HMCN1: variants seen among roughly 807,000 people sequenced by gnomAD.
HMCN1 encodes the protein hemicentin-1.
In HMCN1, 321 loss-of-function variants were observed where a neutral mutation model predicts 625.9. The ratio of observed to expected loss-of-function variants is 0.51; its 90% confidence interval spans 0.47 to 0.56. HMCN1 has a LOEUF of 0.56. HMCN1 is among the 20% of genes least tolerant of loss of function. HMCN1 has a pLI of 0.00. For synonymous variants in HMCN1, 2,425 were observed against 2,417.6 expected (o/e 1.00, Z -0.09); for missense variants, 6,588 against 6,887.3 (o/e 0.96, Z 1.54).
intron 4 of HMCN1, among the ~76,000 whole-genome samples, chr1:185,908,756 T>C (rs561174459): frequency 6.6e-6 from 1 of 151,218 alleles, no homozygotes; most frequent in South Asian, 2.1e-4. Context: ...ACTTATTCAC[T>C]TTATTATAAA....
intron 55 of HMCN1, among the ~76,000 whole-genome samples, chr1:186,078,813 A>G (rs983157801): frequency 1.3e-5 from 2 of 152,228 alleles, no homozygotes; most frequent in African/African-American, 4.8e-5. Flanking sequence ...CATGTGTCCA[A>G]CCTTGAACCA....
chr1:186,120,269 A>C, intron 80 of HMCN1, 124 bp downstream of exon 80: 6 of 1,091,328 alleles, frequency 5.5e-6, no homozygotes, highest in Non-Finnish European at 7.9e-6. Context: ...CTTAGTTTGC[A>C]TTATCCTATT....
intron 1 of HMCN1, among the ~76,000 whole-genome samples, chr1:185,800,816 G>A (rs1355684955): frequency 6.6e-6 from 1 of 151,758 alleles, no homozygotes; most frequent in Non-Finnish European, 1.5e-5. Flanking sequence ...AAACATGAAT[G>A]TCTGATAGCA....
chr1:185,886,760 T>C (rs1385836679), intron 4 of HMCN1, among the ~76,000 whole-genome samples: 1 of 152,178 alleles, frequency 6.6e-6, no homozygotes, highest in Non-Finnish European at 1.5e-5. Flanking sequence ...TATTTTTTCT[T>C]GACTTCTACT....
chr1:185,982,002 C>T (rs12134019), intron 17 of HMCN1, among the ~76,000 whole-genome samples: 15,170 of 152,266 alleles, frequency 0.1, 992 homozygotes, highest in Middle Eastern at 0.17. Flanking sequence ...CTTGACATTT[C>T]AGGCCTTCCA....
In HMCN1 at chr1:185,864,455, C is replaced by T. The variant is rs1663055722; in HGVS notation, c.340-15C>T. 1 of 1,613,170 alleles carries T rather than the reference C, an allele frequency of 6.2e-7. No individual in the cohort carries two copies. Among genetic ancestry groups the T allele is most frequent in the African/African-American group, 1.3e-5 (1 of 75,014 alleles). On this transcript the variant is annotated splice_polypyrimidine_tract_variant and intron_variant, in intron 2 of 106. Transcript: ENST00000271588. ...TTGATGATGACGTAATTGAATTTTT[C>T]TCTCCACTCAACAGGGTGGTGGTGA...
intron 2 of HMCN1, among the ~76,000 whole-genome samples, chr1:185,859,170 AGGG>A (rs1353491994): frequency 2.0e-5 from 3 of 151,196 alleles, no homozygotes; most frequent in African/African-American, 7.3e-5. Context: ...GTATAAGCAA[AGGG>A]AATAATTTGT....
intron 36 of HMCN1, among the ~76,000 whole-genome samples, chr1:186,030,542 T>C (rs1369937979): frequency 6.6e-6 from 1 of 152,020 alleles, no homozygotes; most frequent in East Asian, 1.9e-4. Context: ...ATATATTGTT[T>C]TTCATCTTTT....
intron 48 of HMCN1, among the ~76,000 whole-genome samples, chr1:186,064,484 C>A (rs931122485): frequency 6.6e-6 from 1 of 151,928 alleles, no homozygotes; most frequent in Non-Finnish European, 1.5e-5. Flanking sequence ...TTTTTTACAG[C>A]TTTTTGTCAA....
intron 11 of HMCN1, among the ~76,000 whole-genome samples, chr1:185,949,512 T>C (rs1234999793): frequency 6.6e-6 from 1 of 151,902 alleles, no homozygotes; most frequent in Non-Finnish European, 1.5e-5. Flanking sequence ...AAAAGACCTT[T>C]AGTCCATTCT....
intron 19 of HMCN1, among the ~76,000 whole-genome samples, chr1:185,985,356 C>T (rs926896728): frequency 2.0e-5 from 3 of 152,214 alleles, no homozygotes; most frequent in Admixed American, 6.5e-5. Flanking sequence ...ATTTCTTGAA[C>T]AGTGCTTATA....
chr1:185,779,635 T>A (rs983046833), intron 1 of HMCN1, among the ~76,000 whole-genome samples: 15 of 152,212 alleles, frequency 9.9e-5, no homozygotes, highest in Admixed American at 9.8e-4. Flanking sequence ...TTTGTCAGGT[T>A]TGTCAAAGAT....
Position 185,896,261 on chromosome 1 carries a change from T to C in HMCN1, c.622-13076T>C, listed in dbSNP as rs996686456. Among the ~76,000 whole-genome samples the C allele has an allele frequency of 2.6e-5, 4 of 152,146 alleles. No individual in the cohort carries two copies. In the South Asian group the frequency reaches 8.3e-4, roughly 32 times the overall value. ...AGTCTCATTTAATAATTCCAAAATA[T>C]GTTTTAGGACATGAACTCTTTTTAA... On this transcript the variant is annotated intron_variant, in intron 4 of 106. Transcript: ENST00000271588.
In HMCN1 at chr1:185,993,200, T is replaced by A. The variant is rs1229843895; in HGVS notation, c.3396T>A (p.Ser1132=). ...PFSPRHTFLP[S]GSMKITETRT... is the part of the protein sequence containing the mutation. Reference sequence around the variant, plus strand: ...CTTTTAGACACACATTCCTCCCTTCTGGTTCAATGAAGATCACTGAAACCC... The same window carrying A: ...CTTTTAGACACACATTCCTCCCTTCAGGTTCAATGAAGATCACTGAAACCC... The change falls in exon 23 of 107, where the codon TCT becomes TCA. Residue 1132 remains serine, a synonymous_variant. Transcript: ENST00000271588. 1 of 1,612,550 alleles carries A rather than the reference T, an allele frequency of 6.2e-7. No individual in the cohort carries two copies. The highest frequency in any genetic ancestry group is 2.2e-5 in the East Asian group (1 of 44,812).
chr1:186,136,516 G>A (rs1649614379), intron 86 of HMCN1, 152 bp from the exon 87 acceptor site: 1 of 709,808 alleles, frequency 1.4e-6, no homozygotes, highest in Non-Finnish European at 2.4e-6. Flanking sequence ...TTGTATTAAT[G>A]GCAATTATAA....
chr1:186,011,256 A>G (rs1653983742), intron 30 of HMCN1, among the ~76,000 whole-genome samples: 1 of 152,202 alleles, frequency 6.6e-6, no homozygotes, highest in African/African-American at 2.4e-5. Flanking sequence ...TGTGTTAGCC[A>G]GGATGGTCTC....
At chr1:186,011,460 A>G (rs1407135448) in intron 30 of HMCN1, among the ~76,000 whole-genome samples, 2 of 152,228 alleles carry the variant, frequency 1.3e-5, no homozygotes, top group Non-Finnish European at 2.9e-5. Context: ...AATTGTGCAT[A>G]TTCATTGCTT....
At chr1:186,045,531 G>A (rs954625083) in intron 40 of HMCN1, among the ~76,000 whole-genome samples, 157 bp from the exon 41 acceptor site, 1 of 152,110 alleles carries the variant, frequency 6.6e-6, no homozygotes. Flanking sequence ...GATTTATTAG[G>A]ACTTGAACCA....
intron 13 of HMCN1, among the ~76,000 whole-genome samples, chr1:185,964,705 T>C (rs1650273192): frequency 6.6e-6 from 1 of 151,598 alleles, no homozygotes; most frequent in Non-Finnish European, 1.5e-5. Flanking sequence ...CAGTGGGAGG[T>C]TGGCAGAGGG....
Sources: allele counts gnomAD v4.1 joint callset (sites outside exome capture counted in the v4.1 genomes callset), GRCh38; gene constraint gnomAD v4.1.1; transcripts MANE v1.5; gene names NCBI Gene and HGNC (gene_info 2026-07-23, HGNC 2026-07-21).